Variants in BCAS3 observed in about 807,000 individuals in gnomAD.
BCAS3 encodes BCAS3 microtubule associated cell migration factor.
In BCAS3, 53 loss-of-function variants were observed where a neutral mutation model predicts 116.1. The observed-to-expected ratio is 0.46, with a 90% confidence interval of 0.37 to 0.57. The LOEUF (loss-of-function observed/expected upper bound fraction) is 0.57. Ranked by LOEUF, BCAS3 falls within the 20% of genes least tolerant of loss-of-function variation. The pLI, the probability that BCAS3 is intolerant of heterozygous loss-of-function variation, is 0.00. For synonymous variants in BCAS3, 391 were observed against 408.2 expected (o/e 0.96, Z 0.51); for missense variants, 917 against 1,165.4 (o/e 0.79, Z 3.10).
At chr17:61,275,003 A>T (rs528696782) in intron 22 of BCAS3, among the ~76,000 whole-genome samples, 17 of 152,170 alleles carry the variant, frequency 1.1e-4, no homozygotes, top group African/African-American at 4.1e-4. Context: ...GATGAACGCC[A>T]CCATACTTCA....
chr17:61,042,536 A>G (rs539956656), intron 19 of BCAS3, among the ~76,000 whole-genome samples: 1 of 152,080 alleles, frequency 6.6e-6, no homozygotes, highest in Admixed American at 6.5e-5. Context: ...TGTTGGCAGT[A>G]GTAAGCCATT....
chr17:61,195,112 G>A (rs957824770), intron 22 of BCAS3, among the ~76,000 whole-genome samples: 3 of 152,234 alleles, frequency 2.0e-5, no homozygotes, highest in Non-Finnish European at 4.4e-5. Context: ...AAATGTTCAG[G>A]TAGATGTGTC....
chr17:60,703,170 G>A (rs1180869747), intron 4 of BCAS3, among the ~76,000 whole-genome samples: 1 of 152,052 alleles, frequency 6.6e-6, no homozygotes, highest in Admixed American at 6.6e-5. Context: ...AGCTACTTGG[G>A]AGGCTGAGGC....
chr17:61,188,508 C>T lies in BCAS3; in HGVS notation c.2425+103944C>T, dbSNP rs949141315. 3.3e-5 allele frequency among the ~76,000 whole-genome samples: 5 copies of T among 152,208 alleles called. No homozygotes were observed. The highest frequency in any genetic ancestry group is 1.2e-4 in the African/African-American group (5 of 41,446). On this transcript the variant is annotated intron_variant, in intron 22 of 23. Transcript: ENST00000407086. This position sits in a 1 kb window ranked among gnomAD's most constrained non-coding sequence, Gnocchi z 4.0. ...TATATCAAAGTTGTTTATCTTAAAT[C>T]TTGGCTCATTTGATTACTAGGATAT...
chr17:61,114,293 C>G (rs1010118474), intron 22 of BCAS3, among the ~76,000 whole-genome samples: 2 of 146,046 alleles, frequency 1.4e-5, no homozygotes, highest in African/African-American at 5.0e-5. Flanking sequence ...AAGAGGAAGT[C>G]AAATTGTCCG....
chr17:60,931,512 G>A (rs547540046), intron 13 of BCAS3, among the ~76,000 whole-genome samples: 4 of 152,152 alleles, frequency 2.6e-5, no homozygotes, highest in South Asian at 2.1e-4. Context: ...CCTGAGCTCA[G>A]GCAATCTGCC....
At chr17:60,759,071 T>C (rs1480382430) in intron 6 of BCAS3, among the ~76,000 whole-genome samples, 1 of 152,068 alleles carries the variant, frequency 6.6e-6, no homozygotes, top group Non-Finnish European at 1.5e-5. Context: ...CCTCCCGGGT[T>C]CTATCGATTC....
intron 21 of BCAS3, among the ~76,000 whole-genome samples, chr17:61,080,058 C>T (rs1428851943): frequency 6.6e-6 from 1 of 151,552 alleles, no homozygotes; most frequent in Non-Finnish European, 1.5e-5. Context: ...GTATGTGGCA[C>T]CACGCCTCCC....
intron 19 of BCAS3, among the ~76,000 whole-genome samples, chr17:61,054,261 T>A (rs1348525013): frequency 6.6e-6 from 1 of 152,252 alleles, no homozygotes; most frequent in Non-Finnish European, 1.5e-5. Flanking sequence ...TAATGATCTG[T>A]ACCCTATTCT....
In BCAS3 at chr17:61,281,908, C is replaced by T. The variant is rs2051280674; in HGVS notation, c.2426-86419C>T. 6.6e-6 allele frequency among the ~76,000 whole-genome samples: 1 copy of T among 151,996 alleles called. No homozygotes were observed. Among genetic ancestry groups the T allele is most frequent in the Non-Finnish European group, 1.5e-5 (1 of 67,988 alleles). ...TTTTTACTTTCTTTTCCGCTACTTC[C>T]TTTTTACAAGACTGTTGTGCACATA... On this transcript the variant is annotated intron_variant, in intron 22 of 23. Transcript: ENST00000407086. The surrounding 1 kb of genome is among the most constrained non-coding windows in gnomAD (Gnocchi z 4.2).
At chr17:61,078,605 A>G (rs1414476206) in intron 21 of BCAS3, 76 bp downstream of exon 21, 2 of 1,311,118 alleles carry the variant, frequency 1.5e-6, no homozygotes, top group Non-Finnish European at 2.1e-6. Context: ...CATATGTAAT[A>G]TTTAGGTTTC....
chr17:61,055,024 A>G (rs1199236976), intron 19 of BCAS3, among the ~76,000 whole-genome samples: 1 of 152,208 alleles, frequency 6.6e-6, no homozygotes, highest in African/African-American at 2.4e-5. Flanking sequence ...GGTTATTTAC[A>G]TACAGATACT....
intron 4 of BCAS3, among the ~76,000 whole-genome samples, chr17:60,707,987 T>C (rs889096534): frequency 1.3e-5 from 2 of 152,140 alleles, no homozygotes; most frequent in Admixed American, 1.3e-4. Flanking sequence ...TTTGGTTGCC[T>C]CAGAACGATT....
intron 22 of BCAS3, among the ~76,000 whole-genome samples, chr17:61,334,253 A>T (rs1456551395): frequency 6.6e-6 from 1 of 152,218 alleles, no homozygotes; most frequent in Non-Finnish European, 1.5e-5. Context: ...AAGTCATGGA[A>T]AAAGCACGTA....
rs1352265664 is a variant in BCAS3, at chr17:61,088,981, A to G, written c.2425+4417A>G. On this transcript the variant is annotated intron_variant, in intron 22 of 23. Transcript: ENST00000407086. The surrounding 1 kb of genome is among the most constrained non-coding windows in gnomAD (Gnocchi z 4.2). ...TGAGAAGGACAATGTGACAGATAAG[A>G]AAAATGACTTCTTATCCTGAGCAGC... Among the ~76,000 whole-genome samples, 1 of 152,134 alleles carries G rather than the reference A, an allele frequency of 6.6e-6. No individual in the cohort carries two copies. The highest frequency in any genetic ancestry group is 2.4e-5 in the African/African-American group (1 of 41,452).
intron 15 of BCAS3, among the ~76,000 whole-genome samples, chr17:61,005,206 A>T (rs754733036): frequency 6.6e-6 from 1 of 152,130 alleles, no homozygotes; most frequent in Admixed American, 6.6e-5. Context: ...AGTCATAGGC[A>T]TACTTTTGGA....
In BCAS3 at chr17:61,365,000, C is replaced by T. The variant is rs1361247177; in HGVS notation, c.2426-3327C>T. Among the ~76,000 whole-genome samples, 2 of 152,314 alleles carry T rather than the reference C, an allele frequency of 1.3e-5. No individual in the cohort carries two copies. The highest frequency in any genetic ancestry group is 2.9e-5 in the Non-Finnish European group (2 of 68,028). Reference sequence around the variant, plus strand: ...CATTAAGAACATATACATGAACACACCTATTACATACAGAACACTCACTGT... The same window carrying T: ...CATTAAGAACATATACATGAACACATCTATTACATACAGAACACTCACTGT... On this transcript the variant is annotated intron_variant, in intron 22 of 23. Transcript: ENST00000407086. This position sits in a 1 kb window ranked among gnomAD's most constrained non-coding sequence, Gnocchi z 5.4.
Position 60,698,146 on chromosome 17 carries a change from T to C in BCAS3, c.214+8385T>C, listed in dbSNP as rs181983972. On this transcript the variant is annotated intron_variant, in intron 4 of 23. Transcript: ENST00000407086. ...GTGAGCTGAGCCGAGATTGCACCGC[T>C]GCACTGGCCTGGGTGACAGAGCGAG... Among the ~76,000 whole-genome samples, 545 of 131,628 alleles carry C rather than the reference T, an allele frequency of 4.1e-3. 3 individuals carry two copies. The highest frequency in any genetic ancestry group is 0.016 in the African/African-American group (532 of 33,270). 86.4% of individuals were successfully genotyped at this position (131,628 alleles called of 152,430 possible). A position where few individuals can be genotyped will look rare whatever the true frequency, so the allele number is the denominator to read the frequency against.
rs1455105712 is a variant in BCAS3, at chr17:60,747,100, C to T, written c.322-98C>T. 14 of 790,966 alleles carry T rather than the reference C, an allele frequency of 1.8e-5. 1 individual carries two copies. The highest frequency in any genetic ancestry group is 5.2e-5 in the African/African-American group (3 of 58,118). The allele number at this position is 790,966 out of a possible 1,614,324, so 49.0% of individuals were successfully genotyped here. ...TGGGTGTATGTATATATATTTCAGA[C>T]AAAATATTGTTATAAAATTTAGAAG... On this transcript the variant is annotated intron_variant, in intron 5 of 23. Coordinates refer to ENST00000407086, the MANE Select transcript of BCAS3 (RefSeq NM_017679.5).
Sources: gnomAD v4.1 joint callset for allele counts (sites outside exome capture counted in the v4.1 genomes callset) on GRCh38, gnomAD v4.1.1 for gene constraint, Gnocchi (gnomAD v3.1) non-coding constraint, MANE v1.5 for transcripts, NCBI Gene and HGNC (gene_info 2026-07-23, HGNC 2026-07-21) for gene names.